The following PTPRG variants were observed in gnomAD, a reference collection of about 807,000 sequenced individuals.
PTPRG encodes the protein receptor-type tyrosine-protein phosphatase gamma.
A neutral mutation model predicts 165.3 loss-of-function variants in PTPRG; 102 were observed. That is an observed-to-expected ratio of 0.62 (90% CI 0.53 to 0.73). The LOEUF is 0.73. Among genes scored for constraint, PTPRG ranks in the 30% least tolerant of loss-of-function variants. The probability of loss-of-function intolerance (pLI) is 0.00; values close to 1 mark genes in which losing one functional copy is unlikely to be tolerated. For synonymous variants in PTPRG, 675 were observed against 669.5 expected (o/e 1.01, Z -0.13); for missense variants, 1,866 against 1,861.4 (o/e 1.00, Z -0.05).
chr3:61,979,124 G>C (rs888071809), intron 2 of PTPRG, among the ~76,000 whole-genome samples: 11 of 152,218 alleles, frequency 7.2e-5, no homozygotes, highest in African/African-American at 2.7e-4. Flanking sequence ...TTAGTCATTT[G>C]ATAGCAGAAG....
In PTPRG at chr3:62,218,869, G is replaced by A. The variant is rs1700578834; in HGVS notation, c.2174G>A (p.Gly725Glu). 6.2e-7 allele frequency: 1 copy of A among 1,613,756 alleles called. No individual in the cohort carries two copies. Among genetic ancestry groups the A allele is most frequent in the Non-Finnish European group, 8.5e-7 (1 of 1,179,898 alleles). The change falls in exon 13 of 30, where the codon GGA becomes GAA. Residue 725 changes from glycine (G) to glutamate (E), a missense_variant. Transcript: ENST00000474889. The stretch of plus-strand genomic sequence containing the variant: ...TTGGCAGCGGAAAAAAACACCTCTG[G>A]AATGATAAGCCGCCCTGCTCCAGGG... ...TVNPAEKNTSGMISRPAPGRM... is the reference protein window; with the variant it reads ...TVNPAEKNTSEMISRPAPGRM...
At position 62,077,646 on chromosome 3, in the gene PTPRG, AG is replaced by A. The variant is rs551715495; in HGVS notation, c.520-516del. Among the ~76,000 whole-genome samples the A allele has an allele frequency of 2.6e-5, 4 of 152,280 alleles. No homozygotes were observed. The East Asian group carries it at 7.7e-4, about 29-fold the overall frequency. On this transcript the variant is annotated intron_variant, in intron 4 of 29. Coordinates refer to ENST00000474889, the MANE Select transcript of PTPRG (RefSeq NM_002841.4). ...ATGAATGCATTGTAGTTATGTGAAAAGATGGGATATATTCTGACATATCTAG... is the reference window on the plus strand; with the variant it reads ...ATGAATGCATTGTAGTTATGTGAAAAATGGGATATATTCTGACATATCTAG...
At chr3:62,223,877 C>A (rs2106901029) in intron 13 of PTPRG, among the ~76,000 whole-genome samples, 1 of 152,248 alleles carries the variant, frequency 6.6e-6, no homozygotes, top group African/African-American at 2.4e-5. Flanking sequence ...ATGTCCATTG[C>A]ATACAACATG....
chr3:61,746,289 G>C (rs1177200315), intron 1 of PTPRG, among the ~76,000 whole-genome samples: 1 of 146,292 alleles, frequency 6.8e-6, no homozygotes, highest in East Asian at 2.0e-4. Context: ...CGCCATCTCG[G>C]CTCACTGCAA....
At position 62,252,413 on chromosome 3, in the gene PTPRG, T is replaced by A. The variant is rs555238392; in HGVS notation, c.2468-2711T>A. Among the ~76,000 whole-genome samples the A allele has an allele frequency of 6.6e-6, 1 of 152,218 alleles. No individual in the cohort carries two copies. The highest frequency in any genetic ancestry group is 2.4e-5 in the African/African-American group (1 of 41,462). ...ACTTTTTTCAGCTGCAAGATGCATA[T>A]GAAAACAGTATGCATTTCTTGGAGT... On this transcript the variant is annotated intron_variant, in intron 15 of 29. Transcript: ENST00000474889. This position sits in a 1 kb window ranked among gnomAD's most constrained non-coding sequence, Gnocchi z 4.6.
chr3:62,173,714 C>T (rs1205342600), intron 8 of PTPRG, among the ~76,000 whole-genome samples: 1 of 152,108 alleles, frequency 6.6e-6, no homozygotes, highest in Non-Finnish European at 1.5e-5. Context: ...GTAACCAGAG[C>T]CTCAGTTGAC....
At position 62,157,343 on chromosome 3, in the gene PTPRG, A is replaced by G. The variant is rs774837953; in HGVS notation, c.840+119A>G. Reference sequence around the variant, plus strand: ...GTTCTTGATCCTGTGCATATCATTGATTCCTGCAGTCTTTCCCACAAACAT... The same window carrying G: ...GTTCTTGATCCTGTGCATATCATTGGTTCCTGCAGTCTTTCCCACAAACAT... On this transcript the variant is annotated intron_variant, in intron 7 of 29. Coordinates refer to ENST00000474889, the MANE Select transcript of PTPRG (RefSeq NM_002841.4). 148 of 1,020,618 alleles carry G rather than the reference A, an allele frequency of 1.5e-4. No homozygotes were observed. The Admixed American group carries it at 1.6e-3, about 11-fold the overall frequency. 63.2% of individuals were successfully genotyped at this position (1,020,618 alleles called of 1,614,324 possible).
intron 2 of PTPRG, among the ~76,000 whole-genome samples, chr3:61,801,757 G>A (rs1241366891): frequency 3.3e-5 from 5 of 152,146 alleles, no homozygotes; most frequent in Non-Finnish European, 7.4e-5. Flanking sequence ...ACTGTCCACA[G>A]CAGGGAATGT....
chr3:62,213,330 C>T lies in PTPRG; in HGVS notation c.2156-5521C>T, dbSNP rs146393431. ...CCTGTGCACTCACACAGGCCCTGTG[C>T]TCAGAAGGGCCTATGCTTGCTTTCA... is the stretch of plus-strand genomic sequence containing the variant. On this transcript the variant is annotated intron_variant, in intron 12 of 29. Coordinates refer to ENST00000474889, the MANE Select transcript of PTPRG (RefSeq NM_002841.4). The surrounding 1 kb of genome is among the most constrained non-coding windows in gnomAD (Gnocchi z 4.4). 4.3e-4 allele frequency among the ~76,000 whole-genome samples: 66 copies of T among 152,302 alleles called. No individual in the cohort carries two copies. The highest frequency in any genetic ancestry group is 1.5e-3 in the African/African-American group (63 of 41,570).
intron 2 of PTPRG, among the ~76,000 whole-genome samples, chr3:61,758,823 C>T (rs768194207): frequency 1.3e-5 from 2 of 152,038 alleles, no homozygotes; most frequent in Non-Finnish European, 2.9e-5. Flanking sequence ...GTAAGAAGAA[C>T]GTAAGGAGGA....
intron 2 of PTPRG, among the ~76,000 whole-genome samples, chr3:61,751,565 A>G (rs1426186626): frequency 6.6e-6 from 1 of 152,198 alleles, no homozygotes; most frequent in Non-Finnish European, 1.5e-5. Flanking sequence ...TCATATAGAC[A>G]AACCATAGTT....
chr3:61,597,219 C>T lies in PTPRG; in HGVS notation c.85+34847C>T, dbSNP rs112253389. Among the ~76,000 whole-genome samples, 425 of 152,298 alleles carry T rather than the reference C, an allele frequency of 2.8e-3. 2 individuals are homozygous for T. Among genetic ancestry groups the T allele is most frequent in the African/African-American group, 9.8e-3 (406 of 41,566 alleles). On this transcript the variant is annotated intron_variant, in intron 1 of 29. Coordinates refer to ENST00000474889, the MANE Select transcript of PTPRG (RefSeq NM_002841.4). Reference sequence around the variant, plus strand: ...TCCCATTATGCTCCACCCAACACTGCTGAATTGGGGAGCAGGTTTCCAGCA... The same window carrying T: ...TCCCATTATGCTCCACCCAACACTGTTGAATTGGGGAGCAGGTTTCCAGCA...
intron 2 of PTPRG, among the ~76,000 whole-genome samples, chr3:61,852,730 C>T (rs1392964022): frequency 2.0e-5 from 3 of 152,106 alleles, no homozygotes; most frequent in East Asian, 3.8e-4. Flanking sequence ...GTCAAGTTCA[C>T]GGTGGCTATG....
chr3:62,130,800 T>C (rs973983418), intron 5 of PTPRG, among the ~76,000 whole-genome samples: 1 of 152,208 alleles, frequency 6.6e-6, no homozygotes, highest in African/African-American at 2.4e-5. Flanking sequence ...TTTGGTGTAT[T>C]CTGTGCAGTT....
At chr3:61,995,071 C>CTT (rs2040989046) in intron 3 of PTPRG, among the ~76,000 whole-genome samples, 1 of 109,022 alleles carries the variant, frequency 9.2e-6, no homozygotes, top group Non-Finnish European at 1.9e-5. Flanking sequence ...TTTCTTTTTT[C>CTT]TTTTCTTTCT....
intron 2 of PTPRG, among the ~76,000 whole-genome samples, chr3:61,953,840 A>G (rs1037613845): frequency 1.2e-4 from 10 of 86,220 alleles, no homozygotes; most frequent in Non-Finnish European, 2.1e-4. Flanking sequence ...AATGCTCCAG[A>G]GAAAATACAA....
rs1384479604 is a variant in PTPRG, at chr3:62,203,512, G to A, written c.1717G>A (p.Asp573Asn). The A allele has an allele frequency of 6.4e-7, 1 of 1,560,108 alleles. No individual in the cohort carries two copies. Among genetic ancestry groups the A allele is most frequent in the Non-Finnish European group, 8.7e-7 (1 of 1,151,206 alleles). Residue 573 changes from aspartate (D) to asparagine (N), a missense_variant, in exon 12 of 30, where the codon GAC becomes AAC. By Grantham distance (23) the Asp-to-Asn change is conservative. This residue lies in a region of PTPRG where 1,452 missense variants were observed against 1,463.0 expected (regional missense o/e 0.99). Transcript: ENST00000474889. The surrounding 1 kb of genome is among the most constrained non-coding windows in gnomAD (Gnocchi z 6.4). ...GPDGDSSPTK[D>N]GEGTEEGEKD... Reference sequence around the variant, plus strand: ...CGATGGTGATTCGTCACCAACCAAGGACGGCGAGGGCACCGAGGAAGGAGA... The same window carrying A: ...CGATGGTGATTCGTCACCAACCAAGAACGGCGAGGGCACCGAGGAAGGAGA...
chr3:62,055,124 A>G (rs1344273456), intron 4 of PTPRG, among the ~76,000 whole-genome samples: 2 of 152,224 alleles, frequency 1.3e-5, no homozygotes, highest in Non-Finnish European at 2.9e-5. Flanking sequence ...ATTGTAGTTA[A>G]TATTGTAATT....
intron 7 of PTPRG, 134 bp downstream of exon 7, chr3:62,157,358 C>T: frequency 1.1e-6 from 1 of 930,576 alleles, no homozygotes; most frequent in Non-Finnish European, 1.5e-6. Context: ...TGCAGTCTTT[C>T]CCACAAACAT....
Sources: gnomAD v4.1 joint callset for allele counts (sites outside exome capture counted in the v4.1 genomes callset) on GRCh38, gnomAD v4.1.1 for gene constraint, gnomAD v4.1.1 regional missense constraint, Gnocchi (gnomAD v3.1) non-coding constraint, MANE v1.5 for transcripts, NCBI Gene and HGNC (gene_info 2026-07-23, HGNC 2026-07-21) for gene names.